HTR1D: variants seen among roughly 807,000 people sequenced by gnomAD.
HTR1D encodes 5-hydroxytryptamine receptor 1D.
HTR1D carries 18 observed loss-of-function variants against 21.1 expected under a neutral mutation model. That is an observed-to-expected ratio of 0.85 (90% CI 0.59 to 1.27). The LOEUF (loss-of-function observed/expected upper bound fraction) is 1.27. Ranked by LOEUF, HTR1D falls within the 50% of genes most tolerant of loss-of-function variation. HTR1D has a pLI of 0.00. For synonymous variants in HTR1D, 196 were observed against 204.4 expected, an observed-to-expected ratio of 0.96 and a Z score of 0.35; for missense variants, 456 against 481.4, an observed-to-expected ratio of 0.95 and a Z score of 0.49.
rs564350593 is a variant in HTR1D, at chr1:23,194,439, C to T, written c.-220G>A. On this transcript the variant is annotated 5_prime_UTR_variant, in exon 2 of 2. Coordinates refer to ENST00000374619, the MANE Select transcript of HTR1D (RefSeq NM_000864.5). The stretch of plus-strand genomic sequence containing the variant: ...TAATAATAATAATATTAAACAAGAC[C>T]GGACTATTTGAAGAATGCTGAGACA... The T allele has an allele frequency of 4.6e-5, 15 of 329,146 alleles. No individual in the cohort carries two copies. The South Asian group carries it at 5.7e-4, about 12-fold the overall frequency. The allele number at this position is 329,146 out of a possible 1,614,324, so 20.4% of individuals were successfully genotyped here. A position where few individuals can be genotyped will look rare whatever the true frequency, so the allele number is the denominator to read the frequency against.
rs1274442589 is a variant in HTR1D, at chr1:23,193,077, C to T, written c.*9G>A. ...CACAAAAGATAACAAGAGTCATCAC[C>T]GAATAAGACTAGGAGGCCTTCCGGA... is the stretch of plus-strand genomic sequence containing the variant. On this transcript the variant is annotated 3_prime_UTR_variant, in exon 2 of 2. Transcript: ENST00000374619. The T allele has an allele frequency of 5.1e-6, 8 of 1,573,970 alleles. No individual in the cohort carries two copies. Among genetic ancestry groups the T allele is most frequent in the East Asian group, 4.5e-5 (2 of 44,572 alleles).
intron 1 of HTR1D, among the ~76,000 whole-genome samples, chr1:23,207,683 A>G (rs1174169120): frequency 6.6e-6 from 1 of 151,880 alleles, no homozygotes; most frequent in Non-Finnish European, 1.5e-5. Flanking sequence ...TCAGCCTTGC[A>G]CTGGATCTCT....
At chr1:23,198,468 A>G (rs538260122) in intron 1 of HTR1D, among the ~76,000 whole-genome samples, 22 of 152,192 alleles carry the variant, frequency 1.4e-4, no homozygotes, top group Non-Finnish European at 2.8e-4. Context: ...ATTTCATAAA[A>G]CTAAAGATGT....
intron 1 of HTR1D, among the ~76,000 whole-genome samples, chr1:23,214,793 C>T (rs2867315): frequency 0.51 from 76,986 of 151,916 alleles, 20,250 homozygotes; most frequent in Non-Finnish European, 0.59. Context: ...TCCCTATATC[C>T]CCAGAGCCTA....
chr1:23,209,497 G>T (rs75180762), intron 1 of HTR1D, among the ~76,000 whole-genome samples: 6,230 of 151,634 alleles, frequency 0.041, 193 homozygotes, highest in Non-Finnish European at 0.062. Context: ...GGGACAGTAG[G>T]GGGGGAGGGC....
In HTR1D at chr1:23,194,232, T is replaced by C. The variant is rs776044976; in HGVS notation, c.-13A>G. 14 of 1,605,596 alleles carry C rather than the reference T, an allele frequency of 8.7e-6. No homozygotes were observed. The East Asian group carries it at 2.5e-4, about 28-fold the overall frequency. ...TCAGTGGGGACATGCTAGGTGGCTC[T>C]CTCTTCCCACAGACCTCCACACATT... is the stretch of plus-strand genomic sequence containing the variant. On this transcript the variant is annotated 5_prime_UTR_variant, in exon 2 of 2. Coordinates refer to ENST00000374619, the MANE Select transcript of HTR1D (RefSeq NM_000864.5).
intron 1 of HTR1D, among the ~76,000 whole-genome samples, chr1:23,215,155 A>T (rs921289398): frequency 6.6e-6 from 1 of 152,148 alleles, no homozygotes; most frequent in Admixed American, 6.5e-5. Context: ...CATGGCTCAT[A>T]CCTGTAGTCC....
In HTR1D at chr1:23,193,437, A is replaced by C. The variant is rs140410603; in HGVS notation, c.783T>G (p.His261Gln). 30 of 1,614,224 alleles carry C rather than the reference A, an allele frequency of 1.9e-5. No homozygotes were observed. The African/African-American group carries it at 3.6e-4, about 19-fold the overall frequency. ...SSLCSLNSSLHEGHSHSAGSP... is the reference protein window; with the variant it reads ...SSLCSLNSSLQEGHSHSAGSP... ...AGCCAGCCGAGTGCGAGTGCCCCTC[A>C]TGGAGGCTGGAGTTGAGCGAGCAGA... Residue 261 changes from histidine (H) to glutamine (Q), a missense_variant, in exon 2 of 2, where the codon CAT (histidine) becomes CAG (glutamine). Physicochemically the swap from His to Gln is conservative, Grantham distance 24. Transcript: ENST00000374619.
At chr1:23,198,271 C>G (rs904651628) in intron 1 of HTR1D, among the ~76,000 whole-genome samples, 8 of 147,604 alleles carry the variant, frequency 5.4e-5, no homozygotes, top group African/African-American at 1.8e-4. Flanking sequence ...GAGGCTGAGG[C>G]AGGAGAATGG....
intron 1 of HTR1D, among the ~76,000 whole-genome samples, chr1:23,208,975 A>G (rs1457009975): frequency 6.6e-6 from 1 of 151,158 alleles, no homozygotes; most frequent in East Asian, 2.0e-4. Flanking sequence ...GTAGTAGGTT[A>G]ATAGAATATA....
At chr1:23,199,398 G>T in intron 1 of HTR1D, among the ~76,000 whole-genome samples, 1 of 144,176 alleles carries the variant, frequency 6.9e-6, no homozygotes, top group African/African-American at 2.5e-5. Context: ...TTACAGGTGT[G>T]AGCCGCCATG....
At chr1:23,197,802 C>G (rs1309187957) in intron 1 of HTR1D, among the ~76,000 whole-genome samples, 1 of 151,678 alleles carries the variant, frequency 6.6e-6, no homozygotes, top group African/African-American at 2.4e-5. Context: ...TTTGGGAGGC[C>G]CAGGTGGGAG....
At chr1:23,204,148 C>T (rs1044616359) in intron 1 of HTR1D, among the ~76,000 whole-genome samples, 31 of 149,748 alleles carry the variant, frequency 2.1e-4, no homozygotes, top group African/African-American at 5.2e-4. Context: ...TTTTTTGAGA[C>T]GGAGTCTCAC....
chr1:23,203,591 A>T (rs535213261), intron 1 of HTR1D, among the ~76,000 whole-genome samples: 1 of 152,110 alleles, frequency 6.6e-6, no homozygotes, highest in Non-Finnish European at 1.5e-5. Context: ...CAAGAGTTTG[A>T]GGTTACAGTG....
chr1:23,209,018 GAC>G (rs1644743247), intron 1 of HTR1D, among the ~76,000 whole-genome samples: 1 of 120,380 alleles, frequency 8.3e-6, no homozygotes, highest in Admixed American at 9.1e-5. Context: ...TTTTTTTTGA[GAC>G]AGTCTTGCTC....
chr1:23,194,005 G>C lies in HTR1D; in HGVS notation c.215C>G (p.Pro72Arg). ...CAGGGAGCCAATCAGGTAGTTGGCAGGGGTGTGGAGCTTCCTGGTGAGTAA... is the reference window on the plus strand; with the variant it reads ...CAGGGAGCCAATCAGGTAGTTGGCACGGGTGTGGAGCTTCCTGGTGAGTAA... ...TILLTRKLHT[P>R]ANYLIGSLAT... The change falls in exon 2 of 2, where the codon CCT becomes CGT. Residue 72 changes from proline to arginine, a missense_variant. Physicochemically the swap from Pro to Arg is moderately radical, Grantham distance 103 (BLOSUM62 -2). Coordinates refer to ENST00000374619, the MANE Select transcript of HTR1D (RefSeq NM_000864.5). The C allele has an allele frequency of 6.2e-7, 1 of 1,614,168 alleles. No homozygotes were observed. Among genetic ancestry groups the C allele is most frequent in the Non-Finnish European group, 8.5e-7 (1 of 1,180,038 alleles).
At chr1:23,199,799 G>A (rs1012982302) in intron 1 of HTR1D, among the ~76,000 whole-genome samples, 7 of 152,010 alleles carry the variant, frequency 4.6e-5, no homozygotes, top group African/African-American at 1.5e-4. Flanking sequence ...TCCGCCTTCC[G>A]GGTTCAAGTG....
chr1:23,202,841 A>T (rs1644715228), intron 1 of HTR1D, among the ~76,000 whole-genome samples: 1 of 152,146 alleles, frequency 6.6e-6, no homozygotes, highest in South Asian at 2.1e-4. Context: ...TGCAAAAATC[A>T]GGGTATCAAG....
chr1:23,199,775 C>T (rs912884245), intron 1 of HTR1D, among the ~76,000 whole-genome samples: 4 of 151,774 alleles, frequency 2.6e-5, no homozygotes. Context: ...TGCAAATCTT[C>T]GCTCACTGCA....
Sources: allele counts gnomAD v4.1 joint callset (sites outside exome capture counted in the v4.1 genomes callset), GRCh38; gene constraint gnomAD v4.1.1; transcripts MANE v1.5; gene names NCBI Gene and HGNC (gene_info 2026-07-23, HGNC 2026-07-21).